Variants in PTPRD observed in about 807,000 individuals in gnomAD.
PTPRD encodes the protein receptor-type tyrosine-protein phosphatase delta.
Under a neutral mutation model 214.5 loss-of-function variants are expected in PTPRD, and 34 were observed. That is an observed-to-expected ratio of 0.16 (90% CI 0.12 to 0.21). PTPRD has a LOEUF of 0.21. Ranked by LOEUF, PTPRD falls within the 10% of genes least tolerant of loss-of-function variation. The probability of loss-of-function intolerance (pLI) is 1.00; values close to 1 mark genes in which losing one functional copy is unlikely to be tolerated. For missense variants in PTPRD, 2,545 were observed against 2,398.7 expected (o/e 1.06, Z -1.27); for synonymous variants, 1,128 against 845.7 (o/e 1.33, Z -5.79).
At chr9:9,331,954 C>T (rs141049966) in intron 9 of PTPRD, among the ~76,000 whole-genome samples, 162 of 152,076 alleles carry the variant, frequency 1.1e-3, no homozygotes, top group African/African-American at 3.6e-3. Flanking sequence ...AGAGTTGTTG[C>T]TTGAAGAACA....
chr9:10,581,198 T>C (rs10756064), intron 2 of PTPRD, among the ~76,000 whole-genome samples: 27,697 of 152,156 alleles, frequency 0.18, 2,846 homozygotes, highest in South Asian at 0.25. Context: ...CTTATAACGC[T>C]ACCTGGTGCA....
intron 12 of PTPRD, among the ~76,000 whole-genome samples, chr9:8,701,207 G>GA (rs200520592): frequency 1.3e-5 from 2 of 151,768 alleles, no homozygotes; most frequent in South Asian, 2.1e-4. Context: ...AATTCAGGGG[G>GA]AAAAAAAATA....
intron 9 of PTPRD, among the ~76,000 whole-genome samples, chr9:9,260,478 C>T (rs904979303): frequency 2.0e-5 from 3 of 151,858 alleles, no homozygotes; most frequent in African/African-American, 7.3e-5. Context: ...TGTACAATAG[C>T]GCCTCTTGTC....
intron 5 of PTPRD, among the ~76,000 whole-genome samples, chr9:9,814,060 A>G (rs1194708162): frequency 1.3e-5 from 2 of 152,170 alleles, no homozygotes; most frequent in Non-Finnish European, 2.9e-5. Context: ...ACATGATCTC[A>G]ATAGATGCAG....
chr9:9,275,833 A>ATGTGTG (rs71500979), intron 9 of PTPRD, among the ~76,000 whole-genome samples: 81 of 143,272 alleles, frequency 5.7e-4, no homozygotes, highest in Middle Eastern at 3.5e-3. Flanking sequence ...GTGTGTGTGT[A>ATGTGTG]TGTGTGTGTG....
intron 2 of PTPRD, among the ~76,000 whole-genome samples, chr9:10,424,325 C>G (rs1014340299): frequency 3.3e-5 from 5 of 151,532 alleles, no homozygotes; most frequent in Non-Finnish European, 7.4e-5. Context: ...CTCTCTCTCT[C>G]TCTCTCTCTC....
intron 11 of PTPRD, among the ~76,000 whole-genome samples, chr9:8,801,682 C>A (rs915763542): frequency 1.3e-5 from 2 of 152,176 alleles, no homozygotes; most frequent in African/African-American, 4.8e-5. Context: ...CCTCACTGCA[C>A]TCCAGCCTGG....
At chr9:9,081,989 A>T (rs2099759833) in intron 10 of PTPRD, among the ~76,000 whole-genome samples, 1 of 152,056 alleles carries the variant, frequency 6.6e-6, no homozygotes, top group African/African-American at 2.4e-5. Context: ...AACCAAAAAA[A>T]GCCCAAGACC....
chr9:8,810,274 T>C (rs2096775166), intron 11 of PTPRD, among the ~76,000 whole-genome samples: 1 of 152,200 alleles, frequency 6.6e-6, no homozygotes, highest in Non-Finnish European at 1.5e-5. Flanking sequence ...CCTGTGGCGA[T>C]ATAAACAACA....
chr9:9,671,836 G>C lies in PTPRD; in HGVS notation c.-287+62697C>G, dbSNP rs759832568. Among the ~76,000 whole-genome samples, 6 of 152,132 alleles carry C rather than the reference G, an allele frequency of 3.9e-5. No homozygotes were observed. In the South Asian group the frequency reaches 8.3e-4, roughly 21 times the overall value. On this transcript the variant is annotated intron_variant, in intron 7 of 45. Transcript: ENST00000381196. ...CTAATTAAAACTCTTTTTCTTCCCAGTCTCAGGTATGTCTTTATCAGCAGC... is the reference window on the plus strand; with the variant it reads ...CTAATTAAAACTCTTTTTCTTCCCACTCTCAGGTATGTCTTTATCAGCAGC...
intron 3 of PTPRD, among the ~76,000 whole-genome samples, chr9:10,230,432 CTATG>C (rs369045996): frequency 2.0e-4 from 21 of 103,576 alleles, no homozygotes; most frequent in East Asian, 1.4e-3. Context: ...ATCTATGTAT[CTATG>C]TATCTATCTA....
At chr9:8,714,717 C>T (rs890204380) in intron 12 of PTPRD, among the ~76,000 whole-genome samples, 10 of 152,062 alleles carry the variant, frequency 6.6e-5, no homozygotes, top group African/African-American at 2.4e-4. Context: ...ATGTCACTTT[C>T]TCACTGACCT....
chr9:8,562,021 G>A (rs1435435863), intron 14 of PTPRD, among the ~76,000 whole-genome samples: 1 of 151,964 alleles, frequency 6.6e-6, no homozygotes, highest in Non-Finnish European at 1.5e-5. Context: ...CCACAAACTG[G>A]GAATAACCTA....
chr9:9,219,022 T>G (rs1052595837), intron 9 of PTPRD, among the ~76,000 whole-genome samples: 1 of 152,148 alleles, frequency 6.6e-6, no homozygotes, highest in Non-Finnish European at 1.5e-5. Context: ...AGGGGTACTT[T>G]GGTACACAAT....
At chr9:8,513,898 T>A (rs148478920) in intron 21 of PTPRD, among the ~76,000 whole-genome samples, 20 of 152,244 alleles carry the variant, frequency 1.3e-4, no homozygotes, top group African/African-American at 4.8e-4. Flanking sequence ...TACATCACTA[T>A]ATATCTTCTC....
At chr9:10,233,589 A>G (rs903230886) in intron 3 of PTPRD, among the ~76,000 whole-genome samples, 9 of 151,986 alleles carry the variant, frequency 5.9e-5, no homozygotes, top group African/African-American at 2.2e-4. Context: ...CAAGAAATGA[A>G]CAGATTTTTT....
intron 7 of PTPRD, among the ~76,000 whole-genome samples, chr9:9,642,538 C>A (rs541824973): frequency 6.6e-6 from 1 of 152,180 alleles, no homozygotes; most frequent in South Asian, 2.1e-4. Flanking sequence ...GTGATAATTT[C>A]CAGGCCTTCT....
intron 10 of PTPRD, among the ~76,000 whole-genome samples, chr9:9,030,883 AC>A (rs2099603136): frequency 1.3e-5 from 2 of 152,050 alleles, no homozygotes; most frequent in African/African-American, 2.4e-5. Flanking sequence ...ATCCTTGAGG[AC>A]CTTAGATTCA....
At chr9:9,483,954 C>T (rs894335846) in intron 8 of PTPRD, among the ~76,000 whole-genome samples, 2 of 151,598 alleles carry the variant, frequency 1.3e-5, no homozygotes, top group African/African-American at 4.8e-5. Flanking sequence ...GAAGTCCCTA[C>T]CTACAGGTTT....
Sources: gnomAD v4.1 joint callset for allele counts (sites outside exome capture counted in the v4.1 genomes callset) on GRCh38, gnomAD v4.1.1 for gene constraint, MANE v1.5 for transcripts, NCBI Gene and HGNC (gene_info 2026-07-23, HGNC 2026-07-21) for gene names.